The following SLC35F3 variants were observed in gnomAD, a reference collection of about 807,000 sequenced individuals.
SLC35F3 encodes the protein putative thiamine transporter SLC35F3.
A neutral mutation model predicts 49.9 loss-of-function variants in SLC35F3; 25 were observed. That is an observed-to-expected ratio of 0.50 (90% CI 0.37 to 0.70). The LOEUF is 0.70. SLC35F3 is among the 30% of genes least tolerant of loss of function. SLC35F3 has a pLI of 0.00. For missense variants in SLC35F3, 525 were observed against 639.8 expected, an observed-to-expected ratio of 0.82 and a Z score of 1.94; for synonymous variants, 275 against 265.4, an observed-to-expected ratio of 1.04 and a Z score of -0.35.
At chr1:234,108,434 A>T in intron 2 of SLC35F3, among the ~76,000 whole-genome samples, 1 of 86,890 alleles carries the variant, frequency 1.2e-5, no homozygotes, top group African/African-American at 3.7e-5. Flanking sequence ...TATATAAAAG[A>T]TATATATAAA....
chr1:234,175,674 A>AG (rs1666465885), intron 2 of SLC35F3, among the ~76,000 whole-genome samples: 1 of 151,716 alleles, frequency 6.6e-6, no homozygotes. Context: ...AAAAAAAAAA[A>AG]AAAAAAAAGG....
chr1:234,292,472 A>C (rs1253284071), intron 3 of SLC35F3, among the ~76,000 whole-genome samples: 1 of 152,234 alleles, frequency 6.6e-6, no homozygotes, highest in African/African-American at 2.4e-5. Flanking sequence ...AAATTCAAAA[A>C]ATCTCAACCT....
intron 2 of SLC35F3, among the ~76,000 whole-genome samples, chr1:234,044,643 A>G (rs1432378085): frequency 6.6e-6 from 1 of 152,178 alleles, no homozygotes. Flanking sequence ...TCAAGGGTAT[A>G]AAATTATTCA....
At chr1:233,918,971 C>T (rs1408706436) in intron 2 of SLC35F3, among the ~76,000 whole-genome samples, 1 of 152,030 alleles carries the variant, frequency 6.6e-6, no homozygotes, top group Non-Finnish European at 1.5e-5. Context: ...AACAAAAGTA[C>T]ACACAGATAC....
intron 2 of SLC35F3, among the ~76,000 whole-genome samples, chr1:233,970,071 C>G (rs1187502714): frequency 6.6e-6 from 1 of 152,088 alleles, no homozygotes; most frequent in Non-Finnish European, 1.5e-5. Context: ...CTCAGCAATG[C>G]AAGGGTCCTG....
chr1:234,078,544 G>A (rs529546409), intron 2 of SLC35F3, among the ~76,000 whole-genome samples: 1 of 152,134 alleles, frequency 6.6e-6, no homozygotes, highest in Non-Finnish European at 1.5e-5. Context: ...CCTCTCCATT[G>A]GTTTCTCTCC....
intron 2 of SLC35F3, among the ~76,000 whole-genome samples, chr1:234,119,042 C>G (rs1665535038): frequency 6.6e-6 from 1 of 152,120 alleles, no homozygotes; most frequent in African/African-American, 2.4e-5. Flanking sequence ...ACCCATCACA[C>G]CTCTTGAAGT....
chr1:234,323,543 C>T lies in SLC35F3; in HGVS notation c.*300C>T, dbSNP rs1657683513. ...TGGCTGACGTTCTTGACAAGCCAGC[C>T]ATCAGGGCAAGTGTTTTGAATCTTA... On this transcript the variant is annotated 3_prime_UTR_variant, in exon 8 of 8. Coordinates refer to ENST00000366618, the MANE Select transcript of SLC35F3 (RefSeq NM_173508.4). This position sits in a 1 kb window ranked among gnomAD's most constrained non-coding sequence, Gnocchi z 4.5. 4.8e-6 allele frequency: 2 copies of T among 418,356 alleles called. No individual in the cohort carries two copies. The highest frequency in any genetic ancestry group is 4.3e-6 in the Non-Finnish European group (1 of 231,156). The allele number at this position is 418,356 out of a possible 1,614,324, so 25.9% of individuals were successfully genotyped here.
chr1:234,108,282 TATTTATATATAAAGATATATATTTA>T (rs1665319113), intron 2 of SLC35F3, among the ~76,000 whole-genome samples: 1 of 40,416 alleles, frequency 2.5e-5, no homozygotes, highest in Non-Finnish European at 4.5e-5. Context: ...AGATATATAT[TATTTATATATAAAGATATATATTTA>T]TATATATAAA....
intron 2 of SLC35F3, among the ~76,000 whole-genome samples, chr1:234,076,714 C>A (rs958544380): frequency 6.6e-6 from 1 of 151,956 alleles, no homozygotes; most frequent in African/African-American, 2.4e-5. Flanking sequence ...ACCAGCCTCG[C>A]CCTCCCAAAG....
intron 2 of SLC35F3, among the ~76,000 whole-genome samples, chr1:234,119,165 G>C (rs929230083): frequency 6.6e-6 from 1 of 152,074 alleles, no homozygotes; most frequent in African/African-American, 2.4e-5. Context: ...GGGTGTGTAA[G>C]GGTAAGAGAA....
intron 2 of SLC35F3, among the ~76,000 whole-genome samples, chr1:234,223,719 C>T (rs1339074441): frequency 6.6e-6 from 1 of 152,212 alleles, no homozygotes; most frequent in Non-Finnish European, 1.5e-5. Context: ...CTTACACCTT[C>T]TCAAGCACAG....
chr1:234,114,111 T>A (rs1449821135), intron 2 of SLC35F3, among the ~76,000 whole-genome samples: 1 of 152,164 alleles, frequency 6.6e-6, no homozygotes, highest in Non-Finnish European at 1.5e-5. Context: ...CAGACTGTGT[T>A]TGGAAGGAGA....
chr1:234,171,013 A>C (rs1666393559), intron 2 of SLC35F3, among the ~76,000 whole-genome samples: 1 of 152,252 alleles, frequency 6.6e-6, no homozygotes, highest in Admixed American at 6.5e-5. Flanking sequence ...AAATAGGTTC[A>C]GCGTTTGTCA....
chr1:234,074,719 A>G (rs142461572), intron 2 of SLC35F3, among the ~76,000 whole-genome samples: 21 of 152,362 alleles, frequency 1.4e-4, no homozygotes, highest in African/African-American at 4.6e-4. Flanking sequence ...GAAAGCAATC[A>G]AAGTAGAGAG....
intron 2 of SLC35F3, among the ~76,000 whole-genome samples, chr1:234,141,144 A>T (rs919635363): frequency 2.6e-5 from 4 of 152,146 alleles, no homozygotes; most frequent in African/African-American, 9.7e-5. Context: ...TGACATGCAG[A>T]TGGTGTCCTC....
chr1:234,159,916 T>A lies in SLC35F3; in HGVS notation c.284-71501T>A, dbSNP rs1399036858. 3.9e-5 allele frequency among the ~76,000 whole-genome samples: 6 copies of A among 152,276 alleles called. No individual in the cohort carries two copies. In the East Asian group the frequency reaches 1.2e-3, roughly 29 times the overall value. On this transcript the variant is annotated intron_variant, in intron 2 of 7. Transcript: ENST00000366618. ...GTGTCTGGACTAATTTCTCGTAAGATTTTAGACCTGTATATGTTGCAGGAA... is the reference window on the plus strand; with the variant it reads ...GTGTCTGGACTAATTTCTCGTAAGAATTTAGACCTGTATATGTTGCAGGAA...
At chr1:234,128,152 G>A (rs1335504726) in intron 2 of SLC35F3, among the ~76,000 whole-genome samples, 1 of 152,192 alleles carries the variant, frequency 6.6e-6, no homozygotes. Context: ...GAAAGGTCAT[G>A]AACTGAATAT....
chr1:234,085,369 A>G (rs1287916716), intron 2 of SLC35F3, among the ~76,000 whole-genome samples: 6 of 152,330 alleles, frequency 3.9e-5, no homozygotes, highest in South Asian at 2.1e-4. Flanking sequence ...CTGGATCTTT[A>G]TGATCAACTT....
Sources: gnomAD v4.1 joint callset for allele counts (sites outside exome capture counted in the v4.1 genomes callset) on GRCh38, gnomAD v4.1.1 for gene constraint, Gnocchi (gnomAD v3.1) non-coding constraint, MANE v1.5 for transcripts, NCBI Gene and HGNC (gene_info 2026-07-23, HGNC 2026-07-21) for gene names.